HIVEP3: variants seen among roughly 807,000 people sequenced by gnomAD.
HIVEP3 encodes the protein transcription factor HIVEP3.
In HIVEP3, 49 loss-of-function variants were observed where a neutral mutation model predicts 152.8. That is an observed-to-expected ratio of 0.32 (90% CI 0.26 to 0.41). HIVEP3 has a LOEUF of 0.41. HIVEP3 is among the 10% of genes least tolerant of loss of function. The pLI, the probability that HIVEP3 is intolerant of heterozygous loss-of-function variation, is 1.00. For synonymous variants in HIVEP3, 1,269 were observed against 1,289.0 expected (o/e 0.98, Z 0.33); for missense variants, 2,790 against 3,103.3 (o/e 0.90, Z 2.40).
At chr1:41,688,448 G>A (rs993169863) in intron 2 of HIVEP3, among the ~76,000 whole-genome samples, 7 of 152,172 alleles carry the variant, frequency 4.6e-5, no homozygotes, top group South Asian at 2.1e-4. Context: ...CCCCCACATC[G>A]GTCCCTCCCC....
intron 1 of HIVEP3, among the ~76,000 whole-genome samples, chr1:41,868,818 T>C (rs886833825): frequency 2.0e-5 from 3 of 152,324 alleles, no homozygotes; most frequent in African/African-American, 7.2e-5. Context: ...CATCTGTTAA[T>C]TGGGGATACT....
In HIVEP3 at chr1:41,581,315, T is replaced by C; in HGVS notation, c.3483A>G (p.Glu1161=). 6.2e-7 allele frequency: 1 copy of C among 1,613,288 alleles called. No homozygotes were observed. The highest frequency in any genetic ancestry group is 8.5e-7 in the Non-Finnish European group (1 of 1,179,698). ...TGGACATGGCCTGGGTGGAGAAGAA[T>C]TCTGGAGACTGTCCTGGCTCATGCT... ...LVQHEPGQSP[E]FFSTQAMSSL... Residue 1161 remains glutamate (E), a synonymous_variant, in exon 4 of 9, where the codon GAA becomes GAG. Coordinates refer to ENST00000372583, the MANE Select transcript of HIVEP3 (RefSeq NM_024503.5). This position sits in a 1 kb window ranked among gnomAD's most constrained non-coding sequence, Gnocchi z 4.5.
chr1:41,562,542 C>T (rs1408612684), intron 5 of HIVEP3, among the ~76,000 whole-genome samples: 1 of 138,446 alleles, frequency 7.2e-6, no homozygotes, highest in East Asian at 2.0e-4. Flanking sequence ...CCCTTCCTTC[C>T]TTCCTTCCTT....
chr1:41,779,496 C>A (rs1482655312), intron 1 of HIVEP3, among the ~76,000 whole-genome samples: 2 of 151,866 alleles, frequency 1.3e-5, no homozygotes, highest in Non-Finnish European at 2.9e-5. Context: ...CCTTCTTTTT[C>A]TTTTCTTTTC....
chr1:41,808,423 A>G (rs781585829), intron 1 of HIVEP3, among the ~76,000 whole-genome samples: 4 of 152,262 alleles, frequency 2.6e-5, no homozygotes, highest in Non-Finnish European at 5.9e-5. Context: ...TTGTAAAGAA[A>G]TTTGACAGGC....
At chr1:41,806,083 C>A (rs1325392519) in intron 1 of HIVEP3, among the ~76,000 whole-genome samples, 1 of 152,160 alleles carries the variant, frequency 6.6e-6, no homozygotes, top group East Asian at 1.9e-4. Context: ...TTCTCTTTGT[C>A]CTCCTTGCCA....
chr1:41,618,188 G>A (rs933228062), intron 3 of HIVEP3, among the ~76,000 whole-genome samples: 9 of 152,206 alleles, frequency 5.9e-5, no homozygotes, highest in Non-Finnish European at 1.2e-4. Context: ...TGTTTGTTCC[G>A]CTGCGGGATG....
chr1:41,695,526 C>T lies in HIVEP3; in HGVS notation c.-721+5390G>A, dbSNP rs563118842. Among the ~76,000 whole-genome samples, 4 of 152,314 alleles carry T rather than the reference C, an allele frequency of 2.6e-5. No individual in the cohort carries two copies. The South Asian group carries it at 8.3e-4, about 32-fold the overall frequency. On this transcript the variant is annotated intron_variant, in intron 2 of 8. Transcript: ENST00000372583. ...TGAGCAGCCTACAAGCCTCCTGCTT[C>T]ATGCAGCTCCATTCCAATCAGGAGG...
intron 1 of HIVEP3, among the ~76,000 whole-genome samples, chr1:41,941,836 A>G (rs1484807751): frequency 6.6e-6 from 1 of 152,142 alleles, no homozygotes; most frequent in African/African-American, 2.4e-5. Context: ...TGGGGCCTGA[A>G]CTTCTGCACT....
Position 41,950,060 on chromosome 1 carries a change from C to T in HIVEP3, n.120-31536G>A, listed in dbSNP as rs528165340. On this transcript the variant is annotated intron_variant and non_coding_transcript_variant, in intron 1 of 3. Coordinates refer to the HIVEP3 transcript ENST00000489103. ...AGCCTAGCTAGGAAGGTGACCGCAT[C>T]CACCTTTAAACACGGGGCTTGCAAC... Among the ~76,000 whole-genome samples, 6 of 152,274 alleles carry T rather than the reference C, an allele frequency of 3.9e-5. No homozygotes were observed. The South Asian group carries it at 1.2e-3, about 32-fold the overall frequency.
At chr1:41,596,396 T>A (rs1644666237) in intron 3 of HIVEP3, among the ~76,000 whole-genome samples, 1 of 151,858 alleles carries the variant, frequency 6.6e-6, no homozygotes, top group South Asian at 2.1e-4. Flanking sequence ...TAGCCTGTGT[T>A]GGAAGGAAGA....
chr1:41,987,189 A>T (rs995464593), intron 1 of HIVEP3, among the ~76,000 whole-genome samples: 8 of 152,238 alleles, frequency 5.3e-5, no homozygotes, highest in Non-Finnish European at 1.2e-4. Context: ...ATAAACATAG[A>T]AGAATTAATA....
At position 41,579,831 on chromosome 1, in the gene HIVEP3, T is replaced by C. The variant is rs752471006; in HGVS notation, c.4967A>G (p.Lys1656Arg). ...AALSLLRSKQ[K>R]VSKETYTMAT... ...CATGGTGTATGTCTCTTTGCTCACT[T>C]TCTGCTTAGACCTCAGGAGGGACAA... Residue 1656 changes from lysine to arginine, a missense_variant, in exon 4 of 9, where the codon AAA becomes AGA. Lys to Arg is a conservative substitution (Grantham distance 26). Coordinates refer to ENST00000372583, the MANE Select transcript of HIVEP3 (RefSeq NM_024503.5). The C allele has an allele frequency of 6.2e-7, 1 of 1,613,900 alleles. No individual in the cohort carries two copies. The highest frequency in any genetic ancestry group is 1.1e-5 in the South Asian group (1 of 91,076).
At chr1:41,546,829 G>A (rs146343015) in intron 5 of HIVEP3, among the ~76,000 whole-genome samples, 24 of 152,360 alleles carry the variant, frequency 1.6e-4, no homozygotes, top group Non-Finnish European at 2.8e-4. Flanking sequence ...CGGCCTGGAT[G>A]CAGTGTCACT....
At chr1:42,002,343 G>A (rs1260565153) in intron 1 of HIVEP3, among the ~76,000 whole-genome samples, 2 of 152,094 alleles carry the variant, frequency 1.3e-5, no homozygotes, top group Non-Finnish European at 2.9e-5. Flanking sequence ...ACCTTCCCTG[G>A]CCTCTCACAG....
At chr1:41,663,637 AC>A (rs1485531653) in intron 2 of HIVEP3, among the ~76,000 whole-genome samples, 1 of 151,922 alleles carries the variant, frequency 6.6e-6, no homozygotes, top group Non-Finnish European at 1.5e-5. Flanking sequence ...CTCCTCCCAG[AC>A]CCCCAGCTTT....
chr1:41,881,877 T>C (rs1179827477), intron 1 of HIVEP3, among the ~76,000 whole-genome samples: 9 of 152,230 alleles, frequency 5.9e-5, no homozygotes, highest in Non-Finnish European at 1.5e-5. Flanking sequence ...ACTGTACCAA[T>C]GGCTGCCTGT....
intron 3 of HIVEP3, among the ~76,000 whole-genome samples, chr1:41,607,216 C>T (rs1222769255): frequency 1.3e-5 from 2 of 152,118 alleles, no homozygotes; most frequent in African/African-American, 4.8e-5. Flanking sequence ...AGTTCTAGAT[C>T]TCCTAGTTGA....
At chr1:41,728,993 G>A (rs1031303158) in intron 1 of HIVEP3, among the ~76,000 whole-genome samples, 3 of 152,166 alleles carry the variant, frequency 2.0e-5, no homozygotes, top group Non-Finnish European at 4.4e-5. Flanking sequence ...CAATCTCCAC[G>A]TGGCTGCAAT....
Sources: allele counts gnomAD v4.1 joint callset (sites outside exome capture counted in the v4.1 genomes callset), GRCh38; gene constraint gnomAD v4.1.1; non-coding constraint Gnocchi (gnomAD v3.1); transcripts MANE v1.5; gene names NCBI Gene and HGNC (gene_info 2026-07-23, HGNC 2026-07-21).